NOMO1: variants seen among roughly 807,000 people sequenced by gnomAD.
NOMO1 encodes the protein nodal modulator 3.
A neutral mutation model predicts 133.8 loss-of-function variants in NOMO1; 40 were observed. That is an observed-to-expected ratio of 0.30 (90% CI 0.23 to 0.39). The LOEUF is 0.39. NOMO1 is among the 10% of genes least tolerant of loss of function. NOMO1 has a pLI of 1.00. For synonymous variants in NOMO1, 236 were observed against 570.5 expected (o/e 0.41, Z 8.36); for missense variants, 462 against 1,419.9 (o/e 0.33, Z 10.84).
chr16:14,858,791 C>G (rs951179325), intron 11 of NOMO1, among the ~76,000 whole-genome samples: 2 of 152,010 alleles, frequency 1.3e-5, no homozygotes, highest in African/African-American at 4.8e-5. Flanking sequence ...AAAACAATGG[C>G]ATGGAGTAGA....
intron 1 of NOMO1, 141 bp from the exon 2 acceptor site, chr16:14,838,266 C>T: frequency 2.5e-6 from 2 of 797,442 alleles, no homozygotes; most frequent in South Asian, 3.5e-5. Context: ...TCCCTCTGTC[C>T]CCAGTAATGC....
At chr16:14,864,938 A>G (rs1963971482) in intron 13 of NOMO1, 86 bp from the exon 14 acceptor site, 5 of 1,603,344 alleles carry the variant, frequency 3.1e-6, no homozygotes, top group Non-Finnish European at 4.3e-6. Flanking sequence ...AGCAGTAGCA[A>G]GAAGCTATTA....
intron 17 of NOMO1, among the ~76,000 whole-genome samples, 177 bp from the exon 18 acceptor site, chr16:14,872,057 G>A (rs1036133918): frequency 6.6e-6 from 1 of 152,032 alleles, no homozygotes; most frequent in Non-Finnish European, 1.5e-5. Context: ...AAGTTGTGGA[G>A]TGGAGAATTA....
chr16:14,868,517 A>G (rs748584921), intron 15 of NOMO1, 31 bp from the exon 16 acceptor site: 2 of 1,605,150 alleles, frequency 1.2e-6, no homozygotes, highest in Non-Finnish European at 1.7e-6. Context: ...CATCTCTCTT[A>G]GTAGTCATTG....
At chr16:14,842,109 G>A (rs1396080908) in intron 3 of NOMO1, among the ~76,000 whole-genome samples, 2 of 151,970 alleles carry the variant, frequency 1.3e-5, no homozygotes, top group Admixed American at 1.3e-4. Context: ...GCATAGCTGG[G>A]GAGTCGGGGA....
intron 24 of NOMO1, among the ~76,000 whole-genome samples, chr16:14,881,041 TAAA>T (rs1421739286): frequency 6.6e-6 from 1 of 151,506 alleles, no homozygotes; most frequent in Non-Finnish European, 1.5e-5. Flanking sequence ...AAATACAAAA[TAAA>T]AAAGATACAC....
rs554271084 is a variant in NOMO1, at chr16:14,874,988, T to C, written c.2055-48T>C. On this transcript the variant is annotated intron_variant, in intron 18 of 30. Coordinates refer to ENST00000287667, the MANE Select transcript of NOMO1 (RefSeq NM_014287.4). ...ACTCGTAGAAAGGTCAAATTCCCACTGACCACAAGGATACGCAACTATGTC... is the reference window on the plus strand; with the variant it reads ...ACTCGTAGAAAGGTCAAATTCCCACCGACCACAAGGATACGCAACTATGTC... The C allele has an allele frequency of 8.1e-6, 13 of 1,613,246 alleles. No individual in the cohort carries two copies. In the African/African-American group the frequency reaches 1.2e-4, roughly 15 times the overall value.
At chr16:14,871,402 C>T (rs570442377) in intron 16 of NOMO1, among the ~76,000 whole-genome samples, 10 of 152,154 alleles carry the variant, frequency 6.6e-5, no homozygotes, top group East Asian at 3.9e-4. Context: ...GAAAATCATG[C>T]GCCTGTGATC....
chr16:14,869,048 C>T (rs1253754643), intron 16 of NOMO1, among the ~76,000 whole-genome samples: 1 of 152,012 alleles, frequency 6.6e-6, no homozygotes, highest in African/African-American at 2.4e-5. Context: ...AAGCGATTCC[C>T]CTGCCTCAGC....
chr16:14,876,572 A>G, intron 21 of NOMO1, 54 bp downstream of exon 21: 1 of 1,611,346 alleles, frequency 6.2e-7, no homozygotes, highest in East Asian at 2.2e-5. Context: ...AGTCCTCTGA[A>G]GAAACTGGGG....
At position 14,860,176 on chromosome 16, in the gene NOMO1, T is replaced by G. The variant is rs187440242; in HGVS notation, c.1220+2521T>G. On this transcript the variant is annotated intron_variant, in intron 11 of 30. Transcript: ENST00000287667. ...TGAGGTCAGGAGTTCAAGCCCAGCCTGGCCGCATGGTGAAACCCGGTCTGT... is the reference window on the plus strand; with the variant it reads ...TGAGGTCAGGAGTTCAAGCCCAGCCGGGCCGCATGGTGAAACCCGGTCTGT... Among the ~76,000 whole-genome samples the G allele has an allele frequency of 1.2e-4, 19 of 152,086 alleles. 1 individual carries two copies. The East Asian group carries it at 3.7e-3, about 29-fold the overall frequency.
intron 13 of NOMO1, 54 bp downstream of exon 13, chr16:14,864,780 G>T: frequency 6.2e-7 from 1 of 1,613,356 alleles, no homozygotes; most frequent in Non-Finnish European, 8.5e-7. Context: ...TCAGCCGGTA[G>T]GAGTGGGATT....
At chr16:14,853,169 G>C (rs1296459362) in intron 7 of NOMO1, 3 of 244,982 alleles carry the variant, frequency 1.2e-5, no homozygotes, top group Non-Finnish European at 2.1e-5. Context: ...CTAGCTATGC[G>C]ACCCTGGGCC....
Position 14,857,603 on chromosome 16 carries a change from A to G in NOMO1, c.1168A>G (p.Thr390Ala). The change falls in exon 11 of 31, where the codon ACC becomes GCC. Residue 390 changes from threonine (T) to alanine (A), a missense_variant. Coordinates refer to ENST00000287667, the MANE Select transcript of NOMO1 (RefSeq NM_014287.4). ...AGAGCACCTCTACTTTGAAACGGTCACCATCAAAATTGCACCGAACACACC... is the reference window on the plus strand; with the variant it reads ...AGAGCACCTCTACTTTGAAACGGTCGCCATCAAAATTGCACCGAACACACC... ...QKEHLYFETV[T>A]IKIAPNTPQL... The G allele has an allele frequency of 5.6e-6, 9 of 1,613,226 alleles. No homozygotes were observed. Among genetic ancestry groups the G allele is most frequent in the East Asian group, 2.2e-5 (1 of 44,832 alleles).
intron 16 of NOMO1, among the ~76,000 whole-genome samples, chr16:14,870,727 A>G (rs961388295): frequency 3.4e-5 from 5 of 147,810 alleles, no homozygotes; most frequent in African/African-American, 4.9e-5. Flanking sequence ...ACTCACTTCT[A>G]TCCCCTTCTT....
chr16:14,841,932 G>A (rs1433348202), intron 3 of NOMO1, among the ~76,000 whole-genome samples: 1 of 151,790 alleles, frequency 6.6e-6, no homozygotes, highest in Admixed American at 6.6e-5. Flanking sequence ...TGTCGAGCAA[G>A]GGTAGTTATA....
intron 1 of NOMO1, among the ~76,000 whole-genome samples, chr16:14,834,687 GT>G (rs71254287): frequency 0.25 from 31,679 of 127,484 alleles, 4,397 homozygotes; most frequent in East Asian, 0.39. Flanking sequence ...TGTGCTGAAG[GT>G]TTTTTTTTTT....
chr16:14,839,042 G>C (rs4781630), intron 2 of NOMO1, among the ~76,000 whole-genome samples: 1 of 151,528 alleles, frequency 6.6e-6, no homozygotes, highest in Non-Finnish European at 1.5e-5. Context: ...CTGATAAAGG[G>C]TTTTTTTGTT....
chr16:14,860,332 C>A (rs1963904875), intron 11 of NOMO1, among the ~76,000 whole-genome samples: 1 of 149,896 alleles, frequency 6.7e-6, no homozygotes, highest in Admixed American at 6.6e-5. Flanking sequence ...TGCACCATTG[C>A]ACTCCAGCCT....
Sources: allele counts gnomAD v4.1 joint callset (sites outside exome capture counted in the v4.1 genomes callset), GRCh38; gene constraint gnomAD v4.1.1; transcripts MANE v1.5; gene names NCBI Gene and HGNC (gene_info 2026-07-23, HGNC 2026-07-21).